UBR3: variants seen among roughly 807,000 people sequenced by gnomAD.
UBR3 encodes the protein ubiquitin protein ligase E3 component n-recognin 3.
In UBR3, 85 loss-of-function variants were observed where a neutral mutation model predicts 243.2. The ratio of observed to expected loss-of-function variants is 0.35; its 90% CI spans 0.29 to 0.42. The LOEUF is 0.42. Among genes scored for constraint, UBR3 ranks in the 10% least tolerant of loss-of-function variants. UBR3 has a pLI of 1.00. For synonymous variants in UBR3, 748 were observed against 799.8 expected (o/e 0.94, Z 1.09); for missense variants, 1,686 against 2,300.8 (o/e 0.73, Z 5.47).
In UBR3 at chr2:170,079,857, T is replaced by C. The variant is rs746891660; in HGVS notation, c.5243T>C (p.Leu1748Pro). 6.2e-7 allele frequency: 1 copy of C among 1,614,054 alleles called. No individual in the cohort carries two copies. Among genetic ancestry groups the C allele is most frequent in the Admixed American group, 1.7e-5 (1 of 60,024 alleles). The change falls in exon 37 of 39, where the codon CTA becomes CCA. Residue 1748 changes from leucine (L) to proline (P), a missense_variant. Transcript: ENST00000272793. ...TCAAAATGGAAATTACCACACCTACTACAGTTGCCTGAGAATTATAACACC... is the reference window on the plus strand; with the variant it reads ...TCAAAATGGAAATTACCACACCTACCACAGTTGCCTGAGAATTATAACACC... ...QESKWKLPHL[L>P]QLPENYNTIF... is the part of the protein sequence containing the mutation.
intron 5 of UBR3, among the ~76,000 whole-genome samples, chr2:169,889,508 G>A (rs1265570678): frequency 1.3e-5 from 2 of 152,142 alleles, no homozygotes; most frequent in Non-Finnish European, 2.9e-5. Context: ...TCTGGGCCCT[G>A]TAGTATGCTT....
intron 11 of UBR3, among the ~76,000 whole-genome samples, chr2:169,923,437 AC>A (rs35785890): frequency 6.6e-6 from 1 of 152,140 alleles, no homozygotes; most frequent in Non-Finnish European, 1.5e-5. Context: ...AGTAGCTCCT[AC>A]CCCATAGCAT....
chr2:169,882,130 C>CAT (rs1012268867), intron 5 of UBR3, among the ~76,000 whole-genome samples: 14 of 123,902 alleles, frequency 1.1e-4, no homozygotes, highest in African/African-American at 4.1e-4. Context: ...ATATTATATA[C>CAT]ATATATTTAT....
intron 19 of UBR3, among the ~76,000 whole-genome samples, chr2:169,938,356 C>G (rs2086428241): frequency 6.6e-6 from 1 of 151,632 alleles, no homozygotes; most frequent in South Asian, 2.1e-4. Context: ...TTGGGCCTTC[C>G]CAGGCTCATG....
Position 169,866,150 on chromosome 2 carries a change from C to CAAAAAAAA in UBR3, c.546-6063_546-6056dup, listed in dbSNP as rs578054467. Among the ~76,000 whole-genome samples, 63 of 53,380 alleles carry CAAAAAAAA rather than the reference C, an allele frequency of 1.2e-3. 4 individuals carry two copies. The highest frequency in any genetic ancestry group is 4.3e-3 in the African/African-American group (41 of 9,460). 35.0% of individuals were successfully genotyped at this position (53,380 alleles called of 152,430 possible). On this transcript the variant is annotated intron_variant, in intron 1 of 38. Transcript: ENST00000272793. ...TGGGCAACAGAGCGAGACTGTGTCT[C>CAAAAAAAA]AAAAAAAAAAAAAAAAAAAAAAAAA...
intron 32 of UBR3, among the ~76,000 whole-genome samples, chr2:170,048,373 C>T (rs936368960): frequency 6.6e-6 from 1 of 152,202 alleles, no homozygotes; most frequent in Non-Finnish European, 1.5e-5. Context: ...AAACCTCACT[C>T]TGGCATCATG....
At chr2:169,852,922 T>C (rs1025534505) in intron 1 of UBR3, among the ~76,000 whole-genome samples, 1 of 150,946 alleles carries the variant, frequency 6.6e-6, no homozygotes, top group Non-Finnish European at 1.5e-5. Context: ...CATAGGTTTT[T>C]ATGGATATAT....
chr2:169,956,436 AG>A (rs1393399331), intron 23 of UBR3, among the ~76,000 whole-genome samples: 5 of 152,030 alleles, frequency 3.3e-5, no homozygotes, highest in Non-Finnish European at 7.4e-5. Flanking sequence ...ATGTTCAGAA[AG>A]GGAAGAGAGG....
Position 169,983,238 on chromosome 2 carries a change from C to A in UBR3, c.3635-3407C>A, listed in dbSNP as rs945181663. Among the ~76,000 whole-genome samples, 8 of 144,566 alleles carry A rather than the reference C, an allele frequency of 5.5e-5. No individual in the cohort carries two copies. The South Asian group carries it at 1.3e-3, about 23-fold the overall frequency. The allele number at this position is 144,566 out of a possible 152,430, so 94.8% of individuals were successfully genotyped here. On this transcript the variant is annotated intron_variant, in intron 24 of 38. Coordinates refer to ENST00000272793, the MANE Select transcript of UBR3 (RefSeq NM_172070.4). ...TTTGGAAGGCATATTGTTGTTTTTG[C>A]CACATTCTCTCTCCTTTTTTTTTTT... is the stretch of plus-strand genomic sequence containing the variant.
At chr2:170,039,637 G>A (rs1419912560) in intron 31 of UBR3, among the ~76,000 whole-genome samples, 1 of 152,114 alleles carries the variant, frequency 6.6e-6, no homozygotes, top group African/African-American at 2.4e-5. Context: ...AATATTTGCT[G>A]AATGATCGAG....
chr2:170,040,239 A>G (rs979344281), intron 31 of UBR3, among the ~76,000 whole-genome samples: 2 of 152,072 alleles, frequency 1.3e-5, no homozygotes, highest in Non-Finnish European at 2.9e-5. Flanking sequence ...CCTGGGTTCA[A>G]GCAATCCTCC....
intron 1 of UBR3, among the ~76,000 whole-genome samples, chr2:169,843,460 A>C (rs980864612): frequency 6.6e-6 from 1 of 152,232 alleles, no homozygotes; most frequent in Admixed American, 6.5e-5. Context: ...CTGAGAGGGC[A>C]GACCCCTAAT....
At chr2:169,980,103 C>T (rs13429995) in intron 24 of UBR3, among the ~76,000 whole-genome samples, 220 of 152,172 alleles carry the variant, frequency 1.4e-3, no homozygotes, top group African/African-American at 5.0e-3. Flanking sequence ...AAAAGTTTCC[C>T]CATGGCATCA....
chr2:170,076,914 A>G (rs1368507861), intron 36 of UBR3, among the ~76,000 whole-genome samples: 1 of 152,162 alleles, frequency 6.6e-6, no homozygotes, highest in African/African-American at 2.4e-5. Context: ...TACCAATTGT[A>G]TGGCAATATT....
At chr2:170,057,688 C>T (rs1038840695) in intron 33 of UBR3, among the ~76,000 whole-genome samples, 1 of 151,850 alleles carries the variant, frequency 6.6e-6, no homozygotes, top group Non-Finnish European at 1.5e-5. Flanking sequence ...TTTTCTGAAC[C>T]TCGTAATTGT....
chr2:170,078,957 C>T (rs1399049471), intron 36 of UBR3, among the ~76,000 whole-genome samples: 2 of 152,088 alleles, frequency 1.3e-5, no homozygotes, highest in African/African-American at 4.8e-5. Flanking sequence ...ACACTTAATC[C>T]ATGAACTTGT....
At chr2:169,857,831 T>A (rs919501581) in intron 1 of UBR3, among the ~76,000 whole-genome samples, 3 of 152,110 alleles carry the variant, frequency 2.0e-5, no homozygotes, top group African/African-American at 7.2e-5. Context: ...GCGTTGACCC[T>A]CCTGAGCTAA....
At chr2:169,901,599 G>T (rs1036595547) in intron 8 of UBR3, among the ~76,000 whole-genome samples, 14 of 152,026 alleles carry the variant, frequency 9.2e-5, no homozygotes, top group African/African-American at 2.7e-4. Flanking sequence ...GCCTTGTCTT[G>T]AATTGTTGTT....
At chr2:170,049,163 A>G (rs958042299) in intron 32 of UBR3, among the ~76,000 whole-genome samples, 2 of 152,220 alleles carry the variant, frequency 1.3e-5, no homozygotes, top group African/African-American at 4.8e-5. Flanking sequence ...ATTGCTGACC[A>G]GAAGCCTTAC....
Sources: gnomAD v4.1 joint callset for allele counts (sites outside exome capture counted in the v4.1 genomes callset) on GRCh38, gnomAD v4.1.1 for gene constraint, MANE v1.5 for transcripts, NCBI Gene and HGNC (gene_info 2026-07-23, HGNC 2026-07-21) for gene names.